NPAS2: variants seen among roughly 807,000 people sequenced by gnomAD.
NPAS2 encodes the protein neuronal PAS domain protein 2.
NPAS2 carries 23 observed loss-of-function variants against 107.5 expected under a neutral mutation model. The observed-to-expected ratio is 0.21, with a 90% CI of 0.15 to 0.30. The LOEUF is 0.30. Among genes scored for constraint, NPAS2 ranks in the 10% least tolerant of loss-of-function variants. The pLI is 1.00. For synonymous variants in NPAS2, 403 were observed against 417.5 expected (o/e 0.97, Z 0.42); for missense variants, 756 against 1,043.3 (o/e 0.72, Z 3.79).
chr2:100,995,127 A>G (rs1266189517), intron 20 of NPAS2: 3 of 435,252 alleles, frequency 6.9e-6, no homozygotes, highest in East Asian at 3.4e-5. Context: ...ACCATTCCCC[A>G]TAGCCATAGC....
intron 5 of NPAS2, among the ~76,000 whole-genome samples, chr2:100,944,336 G>C (rs1674759123): frequency 6.6e-6 from 1 of 152,164 alleles, no homozygotes; most frequent in Non-Finnish European, 1.5e-5. Flanking sequence ...TTCCAGCTCA[G>C]CCTCAGTGTG....
chr2:100,931,270 T>G (rs564641315), intron 3 of NPAS2, among the ~76,000 whole-genome samples: 115 of 152,280 alleles, frequency 7.6e-4, no homozygotes, highest in Middle Eastern at 3.4e-3. Flanking sequence ...CTCCTGGGTT[T>G]CTTCCAGTGT....
chr2:100,950,357 C>G (rs1675149669), intron 7 of NPAS2, among the ~76,000 whole-genome samples: 1 of 152,116 alleles, frequency 6.6e-6, no homozygotes, highest in Non-Finnish European at 1.5e-5. Flanking sequence ...CCAAAGGAAA[C>G]AAAAACAGAA....
chr2:100,922,379 C>G (rs542295503), intron 2 of NPAS2, among the ~76,000 whole-genome samples: 1 of 152,030 alleles, frequency 6.6e-6, no homozygotes, highest in Non-Finnish European at 1.5e-5. Flanking sequence ...GTCAGGAGTT[C>G]GAGACCAGCC....
At chr2:100,831,083 T>A (rs141545813) in intron 1 of NPAS2, among the ~76,000 whole-genome samples, 6,698 of 152,142 alleles carry the variant, frequency 0.044, 406 homozygotes, top group East Asian at 0.31. Context: ...GTGGATCACC[T>A]GAGGTCAGGA....
intron 1 of NPAS2, among the ~76,000 whole-genome samples, chr2:100,870,252 C>A (rs1679500395): frequency 1.3e-5 from 2 of 152,168 alleles, no homozygotes; most frequent in African/African-American, 4.8e-5. Context: ...TTCCTATTCT[C>A]TTATTCTTTT....
In NPAS2 at chr2:100,869,147, G is replaced by A. The variant is rs562386309; in HGVS notation, c.-22-35586G>A. The stretch of plus-strand genomic sequence containing the variant: ...GACAGGGTTTCACCCTGTTGGCCAG[G>A]CTGGTCTCAAACTCCTGACCTCAAG... On this transcript the variant is annotated intron_variant, in intron 1 of 20. Transcript: ENST00000335681. 1.3e-4 allele frequency among the ~76,000 whole-genome samples: 20 copies of A among 151,966 alleles called. No homozygotes were observed. In the East Asian group the frequency reaches 3.9e-3, roughly 29 times the overall value.
chr2:100,944,726 G>A (rs1176455741), intron 5 of NPAS2, among the ~76,000 whole-genome samples: 2 of 152,152 alleles, frequency 1.3e-5, no homozygotes, highest in Non-Finnish European at 2.9e-5. Context: ...GGCCCTTTCT[G>A]TGTGTTAATT....
intron 2 of NPAS2, among the ~76,000 whole-genome samples, chr2:100,905,593 C>T (rs1213916181): frequency 2.6e-5 from 4 of 152,124 alleles, no homozygotes; most frequent in Non-Finnish European, 4.4e-5. Context: ...GGAGGCCCAG[C>T]CACGAGCCTT....
intron 1 of NPAS2, chr2:100,901,433 A>G: frequency 1.3e-6 from 1 of 753,182 alleles, no homozygotes; most frequent in Non-Finnish European, 1.6e-6. Context: ...TACAAAGCTT[A>G]AAAAGACTCC....
At chr2:100,963,921 G>T in intron 7 of NPAS2, 137 bp from the exon 8 acceptor site, 1 of 582,152 alleles carries the variant, frequency 1.7e-6, no homozygotes, top group Non-Finnish European at 3.1e-6. Flanking sequence ...TCATCCAGTT[G>T]TGAAAATGAA....
intron 1 of NPAS2, among the ~76,000 whole-genome samples, chr2:100,846,119 CAT>C (rs1338626049): frequency 6.6e-6 from 1 of 152,210 alleles, no homozygotes; most frequent in Non-Finnish European, 1.5e-5. Context: ...TGCAGGCCCA[CAT>C]GTGGTTTTCT....
At position 100,820,982 on chromosome 2, in the gene NPAS2, G is replaced by C. The variant is rs990276237; in HGVS notation, c.-23+568G>C. 4.0e-6 allele frequency: 5 copies of C among 1,241,434 alleles called. No individual in the cohort carries two copies. The highest frequency in any genetic ancestry group is 4.2e-6 in the Non-Finnish European group (4 of 945,772). 76.9% of individuals were successfully genotyped at this position (1,241,434 alleles called of 1,614,324 possible). On this transcript the variant is annotated intron_variant, in intron 1 of 20. Coordinates refer to ENST00000335681, the MANE Select transcript of NPAS2 (RefSeq NM_002518.4). The surrounding 1 kb of genome is among the most constrained non-coding windows in gnomAD (Gnocchi z 5.6). Reference sequence around the variant, plus strand: ...GACAGCGTGCAGCCTGGCTCCTCACGTCGCTGCCGCCCCCCCACCCCAACT... The same window carrying C: ...GACAGCGTGCAGCCTGGCTCCTCACCTCGCTGCCGCCCCCCCACCCCAACT...
chr2:100,843,411 T>C (rs13383056), intron 1 of NPAS2, among the ~76,000 whole-genome samples: 6,267 of 152,102 alleles, frequency 0.041, 434 homozygotes, highest in African/African-American at 0.14. Flanking sequence ...AACAGCAATA[T>C]AGTTTTGGGG....
Position 100,954,878 on chromosome 2 carries a change from T to TTTTTTTTG in NPAS2, c.598+5405_598+5406insGTTTTTTT, listed in dbSNP as rs1287650095. ...TTTTTTGTTTTTTTTGTTTTTTTTG[T>TTTTTTTTG]TTTTTTTTGGTTTTTTTGAGACGGA... On this transcript the variant is annotated intron_variant, in intron 7 of 20. Transcript: ENST00000335681. 2.7e-3 allele frequency among the ~76,000 whole-genome samples: 199 copies of TTTTTTTTG among 73,494 alleles called. 1 individual carries two copies. The highest frequency in any genetic ancestry group is 0.013 in the African/African-American group (193 of 14,572). The allele number at this position is 73,494 out of a possible 152,430, so 48.2% of individuals were successfully genotyped here.
chr2:100,958,650 C>T (rs1675721914), intron 7 of NPAS2, among the ~76,000 whole-genome samples: 1 of 152,178 alleles, frequency 6.6e-6, no homozygotes. Flanking sequence ...GAGGAATGGT[C>T]AGGCTTTTAA....
intron 1 of NPAS2, among the ~76,000 whole-genome samples, chr2:100,829,186 GT>G (rs61069926): frequency 0.31 from 43,990 of 140,468 alleles, 9,407 homozygotes; most frequent in African/African-American, 0.62. Flanking sequence ...GTGTTTTGTT[GT>G]TTTTTTTTTT....
chr2:100,886,129 A>T (rs1211597384), intron 1 of NPAS2, among the ~76,000 whole-genome samples: 1 of 152,222 alleles, frequency 6.6e-6, no homozygotes, highest in Admixed American at 6.5e-5. Flanking sequence ...ATACTTTGTT[A>T]AGCACACTAA....
chr2:100,858,577 G>T (rs1056445447), intron 1 of NPAS2, among the ~76,000 whole-genome samples: 4 of 152,178 alleles, frequency 2.6e-5, no homozygotes, highest in African/African-American at 4.8e-5. Flanking sequence ...AGTTAGGGGT[G>T]CTGAGCAAGG....
Sources: gnomAD v4.1 joint callset for allele counts (sites outside exome capture counted in the v4.1 genomes callset) on GRCh38, gnomAD v4.1.1 for gene constraint, Gnocchi (gnomAD v3.1) non-coding constraint, MANE v1.5 for transcripts, NCBI Gene and HGNC (gene_info 2026-07-23, HGNC 2026-07-21) for gene names.